Variants in SOX5 observed in about 807,000 individuals in gnomAD.
SOX5 encodes transcription factor SOX-5.
Under a neutral mutation model 92.0 loss-of-function variants are expected in SOX5, and 9 were observed. That is an observed-to-expected ratio of 0.10 (90% CI 0.06 to 0.17). The LOEUF is 0.17. Ranked by LOEUF, SOX5 falls within the 10% of genes least tolerant of loss-of-function variation. SOX5 has a pLI of 1.00. For synonymous variants in SOX5, 344 were observed against 336.3 expected, an observed-to-expected ratio of 1.02 and a Z score of -0.25; for missense variants, 642 against 944.5, an observed-to-expected ratio of 0.68 and a Z score of 4.20.
At chr12:24,330,004 C>G (rs1405291678) in intron 2 of SOX5, among the ~76,000 whole-genome samples, 1 of 152,140 alleles carries the variant, frequency 6.6e-6, no homozygotes, top group African/African-American at 2.4e-5. Context: ...GCATGGGCAA[C>G]AGAGTGAGAC....
intron 4 of SOX5, among the ~76,000 whole-genome samples, chr12:24,088,639 A>G (rs1944291199): frequency 6.6e-6 from 1 of 151,692 alleles, no homozygotes; most frequent in African/African-American, 2.4e-5. Flanking sequence ...TCTTTTCTCT[A>G]CTCACCCTTT....
chr12:24,241,266 C>T (rs934056182), intron 3 of SOX5, among the ~76,000 whole-genome samples: 1 of 152,134 alleles, frequency 6.6e-6, no homozygotes, highest in African/African-American at 2.4e-5. Context: ...TAGATTTGGG[C>T]ACAACTTAAA....
intron 1 of SOX5, among the ~76,000 whole-genome samples, chr12:24,403,293 C>A (rs1277923539): frequency 2.6e-5 from 4 of 152,194 alleles, no homozygotes; most frequent in Admixed American, 6.5e-5. Flanking sequence ...AAGTATTGCA[C>A]TTATTCCCTA....
chr12:24,534,409 A>G (rs1433082454), intron 1 of SOX5, among the ~76,000 whole-genome samples: 1 of 152,152 alleles, frequency 6.6e-6, no homozygotes, highest in African/African-American at 2.4e-5. Context: ...TAAAATAGGG[A>G]AGTAGATATA....
chr12:23,538,591 C>T (rs1941156189), intron 13 of SOX5, among the ~76,000 whole-genome samples: 1 of 152,052 alleles, frequency 6.6e-6, no homozygotes, highest in Non-Finnish European at 1.5e-5. Context: ...TGGTTATGAT[C>T]CTATTGAACT....
intron 2 of SOX5, among the ~76,000 whole-genome samples, chr12:24,367,036 T>C (rs966237491): frequency 2.0e-5 from 3 of 152,170 alleles, no homozygotes; most frequent in Non-Finnish European, 2.9e-5. Flanking sequence ...AGATTTTGCT[T>C]AGACACATAT....
rs561548975 is a variant in SOX5 at position 23,841,856 on chromosome 12, C to G, written c.481+4127G>C. On this transcript the variant is annotated intron_variant, in intron 3 of 14. Coordinates refer to ENST00000451604, the MANE Select transcript of SOX5 (RefSeq NM_006940.6). Reference sequence around the variant, plus strand: ...TGAAGGCTATTCTACATGATACTGTCAGTGGTAAATGACAATATGCATTTG... The same window carrying G: ...TGAAGGCTATTCTACATGATACTGTGAGTGGTAAATGACAATATGCATTTG... 1.3e-5 allele frequency among the ~76,000 whole-genome samples: 2 copies of G among 152,158 alleles called. 1 individual carries two copies. The highest frequency in any genetic ancestry group is 4.8e-5 in the African/African-American group (2 of 41,546).
At chr12:24,149,833 T>C (rs1444653347) in intron 4 of SOX5, among the ~76,000 whole-genome samples, 1 of 152,114 alleles carries the variant, frequency 6.6e-6, no homozygotes, top group Non-Finnish European at 1.5e-5. Flanking sequence ...TGCTCTGCAA[T>C]AATAAAGAAT....
intron 2 of SOX5, among the ~76,000 whole-genome samples, chr12:23,864,847 A>G (rs1055615841): frequency 4.6e-5 from 7 of 152,216 alleles, no homozygotes; most frequent in Non-Finnish European, 8.8e-5. Context: ...AGCTAAGATA[A>G]TTGATGAAAC....
intron 8 of SOX5, among the ~76,000 whole-genome samples, chr12:23,623,850 A>C (rs2077455281): frequency 6.6e-6 from 1 of 152,112 alleles, no homozygotes; most frequent in South Asian, 2.1e-4. Flanking sequence ...CCGAAAATGG[A>C]CTGAAAGCAG....
intron 5 of SOX5, among the ~76,000 whole-genome samples, chr12:23,735,197 T>A (rs1355878801): frequency 1.3e-5 from 2 of 152,190 alleles, no homozygotes; most frequent in African/African-American, 4.8e-5. Flanking sequence ...TGGTATTTTT[T>A]TTGTTTTTAG....
intron 2 of SOX5, among the ~76,000 whole-genome samples, chr12:23,863,980 CT>C (rs34769335): frequency 0.064 from 9,311 of 145,970 alleles, 358 homozygotes; most frequent in South Asian, 0.1. Flanking sequence ...ACAAATATAG[CT>C]TTTTTTTTTT....
chr12:24,531,518 T>C (rs1951194865), intron 1 of SOX5, among the ~76,000 whole-genome samples: 1 of 152,216 alleles, frequency 6.6e-6, no homozygotes, highest in African/African-American at 2.4e-5. Context: ...TAAAGTAATG[T>C]AACATATTTT....
intron 2 of SOX5, among the ~76,000 whole-genome samples, chr12:24,365,621 C>T (rs1859396789): frequency 7.2e-6 from 1 of 139,332 alleles, no homozygotes; most frequent in Admixed American, 7.7e-5. Flanking sequence ...AGCTAATCTG[C>T]ACAAAATTTG....
At chr12:24,048,074 G>C (rs938574824) in intron 4 of SOX5, among the ~76,000 whole-genome samples, 7 of 152,070 alleles carry the variant, frequency 4.6e-5, no homozygotes, top group African/African-American at 1.7e-4. Context: ...AAAAAGTTAA[G>C]AAACAAAGGA....
intron 1 of SOX5, among the ~76,000 whole-genome samples, chr12:24,389,336 T>C (rs1320511068): frequency 1.3e-5 from 2 of 152,236 alleles, no homozygotes; most frequent in Non-Finnish European, 2.9e-5. Flanking sequence ...TGTGCCACAT[T>C]TTCTTAATCC....
At chr12:23,540,360 G>GAA (rs1941693134) in intron 13 of SOX5, among the ~76,000 whole-genome samples, 1 of 103,090 alleles carries the variant, frequency 9.7e-6, no homozygotes, top group Non-Finnish European at 2.0e-5. Context: ...AAAACTTAAA[G>GAA]TATAATAATA....
chr12:24,395,391 A>T (rs754001068), intron 1 of SOX5, among the ~76,000 whole-genome samples: 4 of 152,204 alleles, frequency 2.6e-5, no homozygotes, highest in Non-Finnish European at 4.4e-5. Context: ...ATGAGTGGTG[A>T]TTTGACAGAA....
chr12:23,946,260 C>A lies in SOX5; in HGVS notation c.38+3304G>T, dbSNP rs73281697. Among the ~76,000 whole-genome samples the A allele has an allele frequency of 2.9e-3, 436 of 152,206 alleles. 1 individual carries two copies. Among genetic ancestry groups the A allele is most frequent in the African/African-American group, 1.0e-2 (415 of 41,548 alleles). On this transcript the variant is annotated intron_variant, in intron 1 of 14. Transcript: ENST00000451604. Reference sequence around the variant, plus strand: ...CAACCTAATTTGCATAATCCCACTACTTTCAATCCCAACTTTTTTTCTCCT... The same window carrying A: ...CAACCTAATTTGCATAATCCCACTAATTTCAATCCCAACTTTTTTTCTCCT...
Sources: allele counts gnomAD v4.1 joint callset (sites outside exome capture counted in the v4.1 genomes callset), GRCh38; gene constraint gnomAD v4.1.1; transcripts MANE v1.5; gene names NCBI Gene and HGNC (gene_info 2026-07-23, HGNC 2026-07-21).